SDK1: variants seen among roughly 807,000 people sequenced by gnomAD.
SDK1 encodes sidekick cell adhesion molecule 1, also known as protein sidekick-1.
Under a neutral mutation model 245.5 loss-of-function variants are expected in SDK1, and 157 were observed. The observed-to-expected ratio is 0.64, with a 90% confidence interval of 0.56 to 0.73. The LOEUF (loss-of-function observed/expected upper bound fraction) is 0.73, where lower values mean the gene tolerates loss of function less well. Among genes scored for constraint, SDK1 ranks in the 30% least tolerant of loss-of-function variants. The pLI is 0.00. For missense variants in SDK1, 3,583 were observed against 3,002.3 expected, an observed-to-expected ratio of 1.19 and a Z score of -4.52; for synonymous variants, 1,647 against 1,278.5, an observed-to-expected ratio of 1.29 and a Z score of -6.15.
chr7:3,511,869 G>C (rs377034756), intron 1 of SDK1, among the ~76,000 whole-genome samples: 7 of 147,978 alleles, frequency 4.7e-5, no homozygotes, highest in East Asian at 2.0e-4. Flanking sequence ...CTGATATCTC[G>C]TATGTCTCCT....
At chr7:3,760,830 C>A (rs1780075274) in intron 4 of SDK1, among the ~76,000 whole-genome samples, 1 of 152,198 alleles carries the variant, frequency 6.6e-6, no homozygotes, top group African/African-American at 2.4e-5. Context: ...TTTAACTTAG[C>A]AGAAAGCATT....
At chr7:4,071,819 G>A (rs569566866) in intron 20 of SDK1, among the ~76,000 whole-genome samples, 15 of 152,260 alleles carry the variant, frequency 9.9e-5, no homozygotes, top group Admixed American at 2.0e-4. Context: ...CTGGCCTACC[G>A]TCTGCCCAGT....
At chr7:3,704,970 C>T (rs112192053) in intron 4 of SDK1, among the ~76,000 whole-genome samples, 5 of 152,194 alleles carry the variant, frequency 3.3e-5, no homozygotes, top group South Asian at 2.1e-4. Context: ...TATGTTTTTG[C>T]GTGCTTTGTC....
intron 32 of SDK1, among the ~76,000 whole-genome samples, chr7:4,173,131 C>A (rs1470223866): frequency 6.6e-6 from 1 of 152,250 alleles, no homozygotes; most frequent in East Asian, 1.9e-4. Context: ...ACCGGAAGTT[C>A]TGTGCACATC....
chr7:4,214,654 C>T (rs183220228), intron 38 of SDK1, among the ~76,000 whole-genome samples: 2 of 152,116 alleles, frequency 1.3e-5, no homozygotes, highest in East Asian at 1.9e-4. Flanking sequence ...AGACCCCCCA[C>T]GTTTGGGCTT....
intron 1 of SDK1, among the ~76,000 whole-genome samples, chr7:3,594,268 C>G (rs1396359207): frequency 6.6e-6 from 1 of 152,184 alleles, no homozygotes; most frequent in African/African-American, 2.4e-5. Flanking sequence ...ATCCATGTTG[C>G]AACATGTGTC....
intron 1 of SDK1, among the ~76,000 whole-genome samples, chr7:3,493,160 C>G (rs766057568): frequency 2.0e-5 from 3 of 152,090 alleles, no homozygotes; most frequent in African/African-American, 7.2e-5. Flanking sequence ...ACCGTGTTAG[C>G]CAGGATGGTC....
intron 4 of SDK1, among the ~76,000 whole-genome samples, chr7:3,773,071 T>A (rs887682905): frequency 2.6e-5 from 4 of 152,216 alleles, no homozygotes; most frequent in African/African-American, 9.6e-5. Flanking sequence ...TAGATGTTTG[T>A]ATTCACATCT....
chr7:4,201,041 G>A (rs1783851551), intron 35 of SDK1, among the ~76,000 whole-genome samples: 1 of 152,220 alleles, frequency 6.6e-6, no homozygotes, highest in South Asian at 2.1e-4. Context: ...ATGGCACTCA[G>A]ACATCTGGGG....
chr7:4,022,745 C>A (rs1039871667), intron 17 of SDK1, among the ~76,000 whole-genome samples: 1 of 151,934 alleles, frequency 6.6e-6, no homozygotes, highest in Non-Finnish European at 1.5e-5. Context: ...TCACTGGCCA[C>A]ACTCCTCGTT....
chr7:3,656,561 A>T (rs1278855628), intron 4 of SDK1, among the ~76,000 whole-genome samples: 2 of 152,156 alleles, frequency 1.3e-5, no homozygotes, highest in East Asian at 3.9e-4. Flanking sequence ...TTCATGACCC[A>T]GACCCAGGGC....
At chr7:4,056,153 AT>A (rs34368464) in intron 19 of SDK1, among the ~76,000 whole-genome samples, 416 of 142,216 alleles carry the variant, frequency 2.9e-3, no homozygotes, top group African/African-American at 5.1e-3. Flanking sequence ...AATAATCTCA[AT>A]TTTTTTTTTT....
At chr7:4,161,504 G>A (rs1272628429) in intron 31 of SDK1, among the ~76,000 whole-genome samples, 3 of 152,216 alleles carry the variant, frequency 2.0e-5, no homozygotes, top group African/African-American at 4.8e-5. Context: ...CTCCAGGACA[G>A]CCTCACTGGA....
intron 1 of SDK1, among the ~76,000 whole-genome samples, chr7:3,559,513 G>T (rs541843876): frequency 6.6e-6 from 1 of 152,170 alleles, no homozygotes; most frequent in African/African-American, 2.4e-5. Context: ...GAAGCAGCCT[G>T]GTTCAGTGCC....
chr7:4,014,054 C>T (rs985863983), intron 16 of SDK1, among the ~76,000 whole-genome samples: 1 of 152,380 alleles, frequency 6.6e-6, no homozygotes, highest in Non-Finnish European at 1.5e-5. Context: ...TCATTCTGCA[C>T]CCATCCACTA....
At chr7:3,737,914 C>T (rs370267431) in intron 4 of SDK1, among the ~76,000 whole-genome samples, 1 of 152,178 alleles carries the variant, frequency 6.6e-6, no homozygotes, top group African/African-American at 2.4e-5. Context: ...CTCTTCTTAC[C>T]CTTCTAATGA....
chr7:3,993,475 T>C (rs1784492555), intron 14 of SDK1, among the ~76,000 whole-genome samples: 1 of 152,216 alleles, frequency 6.6e-6, no homozygotes, highest in African/African-American at 2.4e-5. Flanking sequence ...AGTTTTTTAA[T>C]AGGATGAGTG....
chr7:3,659,502 G>C (rs1783288610), intron 4 of SDK1, among the ~76,000 whole-genome samples: 1 of 152,156 alleles, frequency 6.6e-6, no homozygotes, highest in Non-Finnish European at 1.5e-5. Context: ...GAGCTCAGGT[G>C]GCAGAGAGCC....
At chr7:4,157,967 A>T (rs142388309) in intron 30 of SDK1, among the ~76,000 whole-genome samples, 141 of 152,170 alleles carry the variant, frequency 9.3e-4, no homozygotes, top group African/African-American at 3.3e-3. Flanking sequence ...TCAGGCAGGA[A>T]CTCATTTTAT....
Sources: allele counts gnomAD v4.1 joint callset (sites outside exome capture counted in the v4.1 genomes callset), GRCh38; gene constraint gnomAD v4.1.1; transcripts MANE v1.5; gene names NCBI Gene and HGNC (gene_info 2026-07-23, HGNC 2026-07-21).